The following ZNF808 variants were observed in gnomAD, a reference collection of about 807,000 sequenced individuals.
ZNF808 encodes the protein zinc finger protein 808.
In ZNF808, 5 loss-of-function variants were observed where a neutral mutation model predicts 8.7. That is an observed-to-expected ratio of 0.58 (90% CI 0.30 to 1.21). The LOEUF (loss-of-function observed/expected upper bound fraction) is 1.21. ZNF808 is among the 50% of genes most tolerant of loss of function. The pLI is 0.07. For synonymous variants in ZNF808, 380 were observed against 366.0 expected, an observed-to-expected ratio of 1.04 and a Z score of -0.44; for missense variants, 1,103 against 1,098.4, an observed-to-expected ratio of 1.00 and a Z score of -0.06.
intron 1 of ZNF808, among the ~76,000 whole-genome samples, chr19:52,529,951 C>T (rs1465427415): frequency 3.3e-5 from 5 of 151,022 alleles, no homozygotes; most frequent in Admixed American, 2.6e-4. Flanking sequence ...CTATGTTTCC[C>T]AGGCTGTTCT....
chr19:52,529,000 GAGAA>G (rs1020700223), intron 1 of ZNF808, among the ~76,000 whole-genome samples: 11 of 151,894 alleles, frequency 7.2e-5, no homozygotes, highest in Middle Eastern at 3.4e-3. Flanking sequence ...GAATCCCAGG[GAGAA>G]AGAAAAGAAA....
downstream of ZNF808, among the ~76,000 whole-genome samples, chr19:52,568,163 G>A (rs530188442): frequency 1.3e-5 from 2 of 152,290 alleles, no homozygotes; most frequent in East Asian, 1.9e-4. Flanking sequence ...CCTGACGTCA[G>A]GAATTAGAAA....
chr19:52,547,477 C>T, intron 3 of ZNF808, 35 bp from the exon 4 acceptor site: 1 of 1,612,836 alleles, frequency 6.2e-7, no homozygotes, highest in African/African-American at 1.3e-5. Context: ...CTCAATCCTC[C>T]ATAATGTTTT....
chr19:52,545,780 G>GA (rs369042987), intron 3 of ZNF808, among the ~76,000 whole-genome samples: 2,776 of 144,772 alleles, frequency 0.019, 75 homozygotes, highest in African/African-American at 0.065. Flanking sequence ...ACTCCATCTG[G>GA]AAAAAAAAAA....
chr19:52,538,947 A>T (rs1161155923), intron 2 of ZNF808, among the ~76,000 whole-genome samples: 2 of 152,002 alleles, frequency 1.3e-5, no homozygotes, highest in Non-Finnish European at 2.9e-5. Flanking sequence ...TTTTATAATG[A>T]TGGCGTCAGA....
chr19:52,561,212 CTATATA>C (rs374488821), downstream of ZNF808, among the ~76,000 whole-genome samples: 1,857 of 39,512 alleles, frequency 0.047, 71 homozygotes, highest in South Asian at 0.083. Flanking sequence ...CTCTCTCTCT[CTATATA>C]TATATATATA....
At chr19:52,550,454 T>A (rs2059765769) in intron 4 of ZNF808, among the ~76,000 whole-genome samples, 1 of 152,036 alleles carries the variant, frequency 6.6e-6, no homozygotes, top group South Asian at 2.1e-4. Flanking sequence ...GGTCTCAAAC[T>A]CCTGACCTCA....
chr19:52,534,868 C>T (rs1418392779), intron 2 of ZNF808, among the ~76,000 whole-genome samples: 1 of 151,666 alleles, frequency 6.6e-6, no homozygotes. Context: ...CAGCATGGGC[C>T]ACAGAGAAAT....
rs549455249 is a variant in ZNF808, at chr19:52,539,969, G to C, written c.-19-3297G>C. 3.3e-5 allele frequency among the ~76,000 whole-genome samples: 5 copies of C among 151,934 alleles called. No individual in the cohort carries two copies. The East Asian group carries it at 5.8e-4, about 18-fold the overall frequency. ...AAGTGATTTTCCCACCTCAGCCTCC[G>C]GAGTAGCTGGGGCCACAGACACACC... is the stretch of plus-strand genomic sequence containing the variant. On this transcript the variant is annotated intron_variant, in intron 2 of 4. Coordinates refer to ENST00000359798, the MANE Select transcript of ZNF808 (RefSeq NM_001039886.4).
At chr19:52,545,793 AT>A (rs1447145315) in intron 3 of ZNF808, among the ~76,000 whole-genome samples, 1 of 150,546 alleles carries the variant, frequency 6.6e-6, no homozygotes, top group East Asian at 1.9e-4. Flanking sequence ...AAAAAAAAAA[AT>A]AAGAAGTATT....
In ZNF808 at chr19:52,555,047, G is replaced by C. The variant is rs540420896; in HGVS notation, c.2131G>C (p.Glu711Gln). The change falls in exon 5 of 5, where the codon GAG (glutamate) becomes CAG (glutamine). Residue 711 changes from glutamate (E) to glutamine (Q), a missense_variant. Glu to Gln is a conservative substitution (Grantham distance 29). Transcript: ENST00000359798. ...HSGMKPYKCN[E>Q]CSKTFSNRSS... The stretch of plus-strand genomic sequence containing the variant: ...TGGAATGAAACCTTACAAGTGTAAT[G>C]AGTGCAGCAAGACCTTCAGTAACAG... The C allele has an allele frequency of 2.5e-4, 410 of 1,614,080 alleles. 8 individuals carry two copies. The South Asian group carries it at 4.2e-3, about 17-fold the overall frequency.
chr19:52,537,968 A>G (rs1474120283), intron 2 of ZNF808, among the ~76,000 whole-genome samples: 3 of 134,290 alleles, frequency 2.2e-5, no homozygotes, highest in Non-Finnish European at 4.7e-5. Context: ...TGGGGTAGGA[A>G]GTGGTGGGAA....
chr19:52,554,026 T>A lies in ZNF808; in HGVS notation c.1110T>A (p.Pro370=). Residue 370 remains proline (P), a synonymous_variant, in exon 5 of 5, where the codon CCT becomes CCA. Transcript: ENST00000359798. ...RHQRLHTGVK[P]YKCKICEKAF... ...AAAGACTTCATACTGGAGTGAAACC[T>A]TACAAATGTAAGATTTGTGAGAAGG... 6.2e-7 allele frequency: 1 copy of A among 1,614,110 alleles called. No individual in the cohort carries two copies.
chr19:52,557,662 A>G (rs553768189), downstream of ZNF808, among the ~76,000 whole-genome samples: 25 of 152,308 alleles, frequency 1.6e-4, no homozygotes, highest in African/African-American at 6.0e-4. Flanking sequence ...GTGTGTTCAC[A>G]CTTCTGCATT....
downstream of ZNF808, among the ~76,000 whole-genome samples, chr19:52,560,336 AAATT>A (rs966902661): frequency 2.0e-5 from 3 of 152,120 alleles, no homozygotes; most frequent in Admixed American, 2.0e-4. Flanking sequence ...AAAAAAAAAA[AAATT>A]AAAAAACGTC....
At chr19:52,565,843 C>T (rs557776017), downstream of ZNF808, among the ~76,000 whole-genome samples, 4 of 152,170 alleles carry the variant, frequency 2.6e-5, no homozygotes, top group Non-Finnish European at 5.9e-5. Flanking sequence ...ATTGATGTCT[C>T]ATGTCACCCT....
At chr19:52,545,911 G>T (rs1415884118) in intron 3 of ZNF808, among the ~76,000 whole-genome samples, 1 of 137,224 alleles carries the variant, frequency 7.3e-6, no homozygotes, top group Admixed American at 7.2e-5. Flanking sequence ...AGATAAACCC[G>T]TGTCAGTTTA....
Position 52,554,320 on chromosome 19 carries a change from A to C in ZNF808, c.1404A>C (p.Ser468=). The C allele has an allele frequency of 1.2e-6, 2 of 1,614,190 alleles. No homozygotes were observed. The highest frequency in any genetic ancestry group is 1.7e-6 in the Non-Finnish European group (2 of 1,180,024). Reference sequence around the variant, plus strand: ...GTGATACAGCTTTCACGTGTAATTCACAGCTGGCACGACATAGAAGAATTC... The same window carrying C: ...GTGATACAGCTTTCACGTGTAATTCCCAGCTGGCACGACATAGAAGAATTC... The part of the protein sequence containing the change: ...KVCDTAFTCN[S]QLARHRRIHT... The change falls in exon 5 of 5, where the codon TCA becomes TCC. Residue 468 remains serine, a synonymous_variant. Coordinates refer to ENST00000359798, the MANE Select transcript of ZNF808 (RefSeq NM_001039886.4).
chr19:52,563,032 C>T (rs567072432), intron 3 of ZNF808, among the ~76,000 whole-genome samples: 1 of 152,110 alleles, frequency 6.6e-6, no homozygotes, highest in Non-Finnish European at 1.5e-5. Flanking sequence ...CCTCTGCCCC[C>T]CAAAGTGCTG....
Sources: allele counts gnomAD v4.1 joint callset (sites outside exome capture counted in the v4.1 genomes callset), GRCh38; gene constraint gnomAD v4.1.1; transcripts MANE v1.5; gene names NCBI Gene and HGNC (gene_info 2026-07-23, HGNC 2026-07-21).